Variants in ZNF385B observed in about 807,000 individuals in gnomAD.
The protein encoded by ZNF385B is zinc finger protein 385B, also known as zinc finger protein 533.
Under a neutral mutation model 39.2 loss-of-function variants are expected in ZNF385B, and 23 were observed. That is an observed-to-expected ratio of 0.59 (90% CI 0.42 to 0.83). The LOEUF (loss-of-function observed/expected upper bound fraction) is 0.83. Ranked by LOEUF, ZNF385B falls within the 40% of genes least tolerant of loss-of-function variation. The probability of loss-of-function intolerance (pLI) is 0.00; values close to 1 mark genes in which losing one functional copy is unlikely to be tolerated. For synonymous variants in ZNF385B, 205 were observed against 222.6 expected, an observed-to-expected ratio of 0.92 and a Z score of 0.70; for missense variants, 552 against 598.9, an observed-to-expected ratio of 0.92 and a Z score of 0.82.
chr2:179,721,586 G>T (rs573577313), intron 3 of ZNF385B, among the ~76,000 whole-genome samples: 1 of 151,968 alleles, frequency 6.6e-6, no homozygotes, highest in Admixed American at 6.6e-5. Flanking sequence ...TTCAGCAATG[G>T]ATTAAAAATT....
chr2:179,703,961 G>T (rs1174516039), intron 3 of ZNF385B, among the ~76,000 whole-genome samples: 1 of 152,188 alleles, frequency 6.6e-6, no homozygotes, highest in African/African-American at 2.4e-5. Flanking sequence ...GATGATAAAT[G>T]ACCTTTTCTG....
chr2:179,561,684 C>T (rs533864713), intron 3 of ZNF385B, among the ~76,000 whole-genome samples: 6 of 150,062 alleles, frequency 4.0e-5, no homozygotes, highest in Non-Finnish European at 8.9e-5. Flanking sequence ...AAAGTGATAA[C>T]ATTAAAACAG....
rs114243214 is a variant in ZNF385B at position 179,636,626 on chromosome 2, G to T, written c.299-91657C>A. 7.7e-3 allele frequency among the ~76,000 whole-genome samples: 1,178 copies of T among 152,266 alleles called. 16 individuals carry two copies. Among genetic ancestry groups the T allele is most frequent in the African/African-American group, 0.026 (1,087 of 41,530 alleles). On this transcript the variant is annotated intron_variant, in intron 3 of 9. Coordinates refer to ENST00000410066, the MANE Select transcript of ZNF385B (RefSeq NM_152520.6). ...GCCTTGGAAGAACCCATACAAGTGA[G>T]GGCCCCTGAAGTTTAAGCTTCATTG...
intron 1 of ZNF385B, among the ~76,000 whole-genome samples, chr2:179,852,427 T>C (rs1559252155): frequency 6.6e-6 from 1 of 152,146 alleles, no homozygotes; most frequent in Non-Finnish European, 1.5e-5. Flanking sequence ...GTAGTCATAA[T>C]TATAATCTTG....
intron 3 of ZNF385B, among the ~76,000 whole-genome samples, chr2:179,673,863 AACC>A (rs1696388302): frequency 6.6e-6 from 1 of 152,238 alleles, no homozygotes; most frequent in South Asian, 2.1e-4. Context: ...CTTAATAAAG[AACC>A]ACATTATTTC....
chr2:179,615,598 T>C (rs892529123), intron 3 of ZNF385B, among the ~76,000 whole-genome samples: 1 of 152,346 alleles, frequency 6.6e-6, no homozygotes, highest in East Asian at 1.9e-4. Context: ...AAATACAGGA[T>C]ATTCTGCACA....
At chr2:179,485,855 T>TATAA (rs1237760421) in intron 5 of ZNF385B, among the ~76,000 whole-genome samples, 2 of 152,154 alleles carry the variant, frequency 1.3e-5, no homozygotes, top group Non-Finnish European at 2.9e-5. Context: ...TTCCCTAGCA[T>TATAA]ATAACCCAGG....
At chr2:179,547,707 G>T (rs2060321409) in intron 3 of ZNF385B, among the ~76,000 whole-genome samples, 1 of 149,390 alleles carries the variant, frequency 6.7e-6, no homozygotes, top group African/African-American at 2.5e-5. Context: ...TGGATCCTTT[G>T]TGCTTCCATA....
At chr2:179,771,285 A>AT (rs1703993771) in intron 1 of ZNF385B, among the ~76,000 whole-genome samples, 1 of 152,216 alleles carries the variant, frequency 6.6e-6, no homozygotes, top group Middle Eastern at 3.2e-3. Flanking sequence ...CACAAGCAGG[A>AT]TGTTTAAAAT....
At chr2:179,760,223 C>CGCGCGTGTGTGTGTGTGT (rs11282329) in intron 3 of ZNF385B, among the ~76,000 whole-genome samples, 150 of 144,544 alleles carry the variant, frequency 1.0e-3, no homozygotes, top group African/African-American at 3.1e-3. Context: ...TTCCTGTGTG[C>CGCGCGTGTGTGTGTGTGT]GTGTGTGTGT....
chr2:179,631,079 A>G (rs1316742284), intron 3 of ZNF385B, among the ~76,000 whole-genome samples: 2 of 152,228 alleles, frequency 1.3e-5, no homozygotes, highest in Non-Finnish European at 2.9e-5. Context: ...GAATGGAACC[A>G]AGTTGGAAAA....
At position 179,505,140 on chromosome 2, in the gene ZNF385B, G is replaced by A. The variant is rs1239836381; in HGVS notation, c.552+13388C>T. ...CCGCAGGGGAATTTGAGAGGATGAC[G>A]AAATTGTTCTATATCTTGACCGTGG... On this transcript the variant is annotated intron_variant, in intron 5 of 9. Transcript: ENST00000410066. Among the ~76,000 whole-genome samples, 5 of 152,084 alleles carry A rather than the reference G, an allele frequency of 3.3e-5. No individual in the cohort carries two copies. In the East Asian group the frequency reaches 7.7e-4, roughly 23 times the overall value.
chr2:179,577,492 T>A (rs1375024659), intron 3 of ZNF385B, among the ~76,000 whole-genome samples: 2 of 152,268 alleles, frequency 1.3e-5, no homozygotes, highest in South Asian at 4.1e-4. Flanking sequence ...TTATATAGTG[T>A]CAGCATCTAC....
At chr2:179,674,222 T>C (rs1349842010) in intron 3 of ZNF385B, among the ~76,000 whole-genome samples, 2 of 152,182 alleles carry the variant, frequency 1.3e-5, no homozygotes, top group Non-Finnish European at 2.9e-5. Context: ...AGATAATTAA[T>C]GAGCAAAAAA....
In ZNF385B at chr2:179,712,967, G is replaced by A. The variant is rs989263867; in HGVS notation, c.298+56536C>T. Among the ~76,000 whole-genome samples the A allele has an allele frequency of 4.6e-5, 7 of 152,066 alleles. No individual in the cohort carries two copies. In the South Asian group the frequency reaches 6.2e-4, roughly 13 times the overall value. On this transcript the variant is annotated intron_variant, in intron 3 of 9. Transcript: ENST00000410066. ...GTAATATGCAGCACTATACCCTTTC[G>A]TGAGGCTGGGCAACAGCAGTGAGCC...
intron 3 of ZNF385B, among the ~76,000 whole-genome samples, chr2:179,556,161 A>G (rs2060890858): frequency 6.7e-6 from 1 of 148,584 alleles, no homozygotes; most frequent in Non-Finnish European, 1.5e-5. Flanking sequence ...TTATACCTGA[A>G]TATCTTGCCC....
intron 3 of ZNF385B, among the ~76,000 whole-genome samples, chr2:179,642,059 C>T (rs1345532330): frequency 6.6e-5 from 10 of 151,904 alleles, no homozygotes; most frequent in Non-Finnish European, 1.5e-4. Context: ...AAACTGACGA[C>T]TGATTTAGAA....
intron 3 of ZNF385B, among the ~76,000 whole-genome samples, chr2:179,673,736 C>T (rs1478370824): frequency 6.6e-6 from 1 of 152,212 alleles, no homozygotes; most frequent in Non-Finnish European, 1.5e-5. Flanking sequence ...AAAAGCATCA[C>T]TGCCAACAAT....
At chr2:179,597,293 A>T (rs181702485) in intron 3 of ZNF385B, among the ~76,000 whole-genome samples, 52 of 152,316 alleles carry the variant, frequency 3.4e-4, no homozygotes, top group Non-Finnish European at 6.0e-4. Flanking sequence ...AACAGCCACA[A>T]ATCTGGGTTT....
Sources: allele counts gnomAD v4.1 joint callset (sites outside exome capture counted in the v4.1 genomes callset), GRCh38; gene constraint gnomAD v4.1.1; transcripts MANE v1.5; gene names NCBI Gene and HGNC (gene_info 2026-07-23, HGNC 2026-07-21).